Variants in TTC29 observed in about 807,000 individuals in gnomAD.
TTC29 encodes tetratricopeptide repeat domain 29.
TTC29 carries 49 observed loss-of-function variants against 58.1 expected under a neutral mutation model. That is an observed-to-expected ratio of 0.84 (90% CI 0.67 to 1.07). The LOEUF (loss-of-function observed/expected upper bound fraction) is 1.07. Ranked by LOEUF, TTC29 falls within the 50% of genes least tolerant of loss-of-function variation. TTC29 has a pLI of 0.00. For missense variants in TTC29, 582 were observed against 555.6 expected (o/e 1.05, Z -0.48); for synonymous variants, 209 against 196.8 (o/e 1.06, Z -0.52).
chr4:146,921,667 C>G (rs948027585), intron 4 of TTC29, among the ~76,000 whole-genome samples: 1 of 150,910 alleles, frequency 6.6e-6, no homozygotes, highest in African/African-American at 2.4e-5. Context: ...CTTAAAAATA[C>G]ATAAAATTAA....
At chr4:146,798,029 C>T (rs1749948088) in intron 11 of TTC29, among the ~76,000 whole-genome samples, 1 of 151,852 alleles carries the variant, frequency 6.6e-6, no homozygotes, top group African/African-American at 2.4e-5. Context: ...TTCAAGTTCA[C>T]TAACCTTTTC....
Position 146,899,610 on chromosome 4 carries a change from G to A in TTC29, c.586+3934C>T, listed in dbSNP as rs567754505. 6.2e-4 allele frequency among the ~76,000 whole-genome samples: 94 copies of A among 152,274 alleles called. 1 individual carries two copies. The highest frequency in any genetic ancestry group is 2.2e-3 in the African/African-American group (90 of 41,560). Reference sequence around the variant, plus strand: ...GCACACCAAAGACCCATTTTTAGCAGCAGTGGGGACTTGAACCTATCTACT... The same window carrying A: ...GCACACCAAAGACCCATTTTTAGCAACAGTGGGGACTTGAACCTATCTACT... On this transcript the variant is annotated intron_variant, in intron 6 of 12. Transcript: ENST00000325106.
chr4:146,857,341 G>A (rs1182868012), intron 8 of TTC29, among the ~76,000 whole-genome samples: 10 of 148,990 alleles, frequency 6.7e-5, no homozygotes, highest in Non-Finnish European at 1.2e-4. Flanking sequence ...CACAACAGTT[G>A]GGGGAAATGG....
chr4:146,874,769 T>A lies in TTC29; in HGVS notation c.746A>T (p.Glu249Val), dbSNP rs767010316. ...TAGAATTTTGATGGCCTGTTTGTATTCTTTATTTTCTAGCATTTTGTCTGA... is the reference window on the plus strand; with the variant it reads ...TAGAATTTTGATGGCCTGTTTGTATACTTTATTTTCTAGCATTTTGTCTGA... Reference protein sequence around the residue: ...LLSDKMLENKEYKQAIKILIK... With the variant: ...LLSDKMLENKVYKQAIKILIK... The change falls in exon 7 of 13, where the codon GAA (glutamate) becomes GTA (valine). Residue 249 changes from glutamate (E) to valine (V), a missense_variant. Glu to Val is a moderately radical substitution (Grantham distance 121). Transcript: ENST00000325106. 25 of 1,609,940 alleles carry A rather than the reference T, an allele frequency of 1.6e-5. No homozygotes were observed. The highest frequency in any genetic ancestry group is 1.9e-5 in the Non-Finnish European group (22 of 1,178,380).
intron 4 of TTC29, among the ~76,000 whole-genome samples, chr4:146,929,777 G>A (rs1376381994): frequency 6.6e-6 from 1 of 152,054 alleles, no homozygotes; most frequent in Non-Finnish European, 1.5e-5. Flanking sequence ...AGAGGAAGAA[G>A]CTTCTCTATT....
At chr4:146,729,782 G>A (rs1744193077) in intron 11 of TTC29, among the ~76,000 whole-genome samples, 1 of 152,042 alleles carries the variant, frequency 6.6e-6, no homozygotes, top group Non-Finnish European at 1.5e-5. Flanking sequence ...CTAGTGTGAA[G>A]GAGGAACTGT....
chr4:146,916,703 T>C (rs889514319), intron 4 of TTC29, among the ~76,000 whole-genome samples: 1 of 151,578 alleles, frequency 6.6e-6, no homozygotes, highest in Non-Finnish European at 1.5e-5. Flanking sequence ...AGTTACATCA[T>C]GTAAATTTGG....
intron 11 of TTC29, among the ~76,000 whole-genome samples, chr4:146,784,348 T>C (rs1042803353): frequency 6.6e-5 from 10 of 152,024 alleles, no homozygotes; most frequent in Admixed American, 2.0e-4. Flanking sequence ...GGGAAGAGTG[T>C]CATATGTGGT....
chr4:146,708,906 C>T (rs564354124), intron 11 of TTC29, among the ~76,000 whole-genome samples: 11 of 152,180 alleles, frequency 7.2e-5, no homozygotes, highest in East Asian at 5.8e-4. Flanking sequence ...TTGATTTTCT[C>T]GGTCTTCTCA....
chr4:146,751,460 C>G (rs1056548385), intron 11 of TTC29, among the ~76,000 whole-genome samples: 1 of 152,088 alleles, frequency 6.6e-6, no homozygotes, highest in Admixed American at 6.6e-5. Flanking sequence ...ATACGTTAGG[C>G]CACAAAACAA....
At chr4:146,788,683 CATA>C (rs1475372180) in intron 11 of TTC29, among the ~76,000 whole-genome samples, 1 of 151,606 alleles carries the variant, frequency 6.6e-6, no homozygotes, top group African/African-American at 2.4e-5. Context: ...CACAGTGGAG[CATA>C]ATATTTAGTG....
intron 3 of TTC29, among the ~76,000 whole-genome samples, chr4:146,938,448 T>C (rs995419356): frequency 6.6e-6 from 1 of 152,108 alleles, no homozygotes; most frequent in South Asian, 2.1e-4. Flanking sequence ...CCTAAGGATA[T>C]GAGATTTGGC....
chr4:146,742,278 C>T (rs1329005196), intron 11 of TTC29, among the ~76,000 whole-genome samples: 6 of 152,100 alleles, frequency 3.9e-5, no homozygotes, highest in Non-Finnish European at 8.8e-5. Context: ...GTGCACACTT[C>T]GTGACACTAG....
rs577350335 is a variant in TTC29, at chr4:146,816,107, G to A, written c.1101+4018C>T. Among the ~76,000 whole-genome samples, 33 of 152,218 alleles carry A rather than the reference G, an allele frequency of 2.2e-4. No homozygotes were observed. In the South Asian group the frequency reaches 6.6e-3, roughly 31 times the overall value. On this transcript the variant is annotated intron_variant, in intron 10 of 12. Coordinates refer to ENST00000325106, the MANE Select transcript of TTC29 (RefSeq NM_031956.4). The stretch of plus-strand genomic sequence containing the variant: ...AAGGTATAAGAAATAATATCCAAAA[G>A]CTGTGTCAACTTCCAGAAGTTAAAT...
intron 8 of TTC29, among the ~76,000 whole-genome samples, chr4:146,840,284 T>C (rs945436884): frequency 1.1e-4 from 16 of 151,910 alleles, no homozygotes; most frequent in African/African-American, 3.9e-4. Flanking sequence ...GAGGGAAATG[T>C]GCAGCAGCAG....
chr4:146,893,719 A>C (rs947695716), intron 6 of TTC29, among the ~76,000 whole-genome samples: 3 of 152,238 alleles, frequency 2.0e-5, no homozygotes, highest in Admixed American at 2.0e-4. Flanking sequence ...TGCACAGCAA[A>C]AGATACTACC....
At chr4:146,746,038 T>C (rs1745518870) in intron 11 of TTC29, among the ~76,000 whole-genome samples, 1 of 152,220 alleles carries the variant, frequency 6.6e-6, no homozygotes, top group African/African-American at 2.4e-5. Flanking sequence ...TAGTTTACTC[T>C]GTCTAAACTC....
In TTC29 at chr4:146,919,421, T is replaced by C. The variant is rs564602176; in HGVS notation, c.177-10172A>G. Reference sequence around the variant, plus strand: ...TTCTGGTGTATTATGTGTCCTAATATAACAAGAAGAAACATGAGGAAAAGA... The same window carrying C: ...TTCTGGTGTATTATGTGTCCTAATACAACAAGAAGAAACATGAGGAAAAGA... On this transcript the variant is annotated intron_variant, in intron 4 of 12. Coordinates refer to ENST00000325106, the MANE Select transcript of TTC29 (RefSeq NM_031956.4). 1.3e-4 allele frequency among the ~76,000 whole-genome samples: 20 copies of C among 151,006 alleles called. No homozygotes were observed. In the South Asian group the frequency reaches 3.9e-3, roughly 30 times the overall value.
intron 8 of TTC29, among the ~76,000 whole-genome samples, chr4:146,851,339 A>T (rs1360553192): frequency 6.6e-6 from 1 of 152,226 alleles, no homozygotes; most frequent in Admixed American, 6.5e-5. Context: ...AGTGTCAGGA[A>T]CAGGATTTGC....
Sources: allele counts gnomAD v4.1 joint callset (sites outside exome capture counted in the v4.1 genomes callset), GRCh38; gene constraint gnomAD v4.1.1; transcripts MANE v1.5; gene names NCBI Gene and HGNC (gene_info 2026-07-23, HGNC 2026-07-21).